Variants in FAM107B observed in about 807,000 individuals in gnomAD.
The protein encoded by FAM107B is protein FAM107B.
FAM107B carries 21 observed loss-of-function variants against 31.5 expected under a neutral mutation model. That is an observed-to-expected ratio of 0.67 (90% CI 0.47 to 0.96). The LOEUF (loss-of-function observed/expected upper bound fraction) is 0.96. FAM107B is among the 40% of genes least tolerant of loss of function. FAM107B has a pLI of 0.00. For missense variants in FAM107B, 452 were observed against 377.1 expected (o/e 1.20, Z -1.64); for synonymous variants, 157 against 141.5 (o/e 1.11, Z -0.78).
At chr10:14,642,183 T>A (rs1853644972) in intron 2 of FAM107B, among the ~76,000 whole-genome samples, 1 of 152,206 alleles carries the variant, frequency 6.6e-6, no homozygotes, top group East Asian at 1.9e-4. Flanking sequence ...ATCTTAAGGC[T>A]CAGGAATTAT....
At chr10:14,710,236 T>A (rs1855610171) in intron 1 of FAM107B, among the ~76,000 whole-genome samples, 2 of 151,892 alleles carry the variant, frequency 1.3e-5, no homozygotes, top group South Asian at 2.1e-4. Flanking sequence ...TAAAAAATAA[T>A]AAAGTCTATT....
intron 1 of FAM107B, among the ~76,000 whole-genome samples, chr10:14,694,867 G>C (rs1855228560): frequency 1.3e-5 from 2 of 151,988 alleles, no homozygotes; most frequent in African/African-American, 4.8e-5. Flanking sequence ...TTCTTTTATT[G>C]AGTTTTATGA....
intron 2 of FAM107B, among the ~76,000 whole-genome samples, chr10:14,573,679 G>C (rs1213048314): frequency 3.9e-5 from 6 of 152,046 alleles, no homozygotes; most frequent in East Asian, 3.9e-4. Flanking sequence ...CAGAGGCAGA[G>C]GTTGCAGTAA....
intron 1 of FAM107B, among the ~76,000 whole-genome samples, chr10:14,772,727 C>T (rs2688871): frequency 0.068 from 10,291 of 152,126 alleles, 1,156 homozygotes; most frequent in African/African-American, 0.23. Context: ...ACGCTGTGGA[C>T]CACCCATGGC....
chr10:14,591,427 C>T (rs1234650859), intron 2 of FAM107B, among the ~76,000 whole-genome samples: 1 of 152,194 alleles, frequency 6.6e-6, no homozygotes, highest in Non-Finnish European at 1.5e-5. Flanking sequence ...ACTGCAAGAG[C>T]CAAGCCAATC....
At chr10:14,622,418 T>C (rs1184642663) in intron 2 of FAM107B, among the ~76,000 whole-genome samples, 1 of 151,736 alleles carries the variant, frequency 6.6e-6, no homozygotes, top group Non-Finnish European at 1.5e-5. Context: ...GAGATTCTCC[T>C]GCCTCAACCT....
intron 1 of FAM107B, among the ~76,000 whole-genome samples, chr10:14,726,108 T>G (rs2688859): frequency 6.6e-6 from 1 of 151,830 alleles, no homozygotes. Context: ...ATTCTCCTGC[T>G]TCAGCCTCCC....
At chr10:14,649,381 C>A (rs1253938114) in intron 2 of FAM107B, among the ~76,000 whole-genome samples, 1 of 152,156 alleles carries the variant, frequency 6.6e-6, no homozygotes, top group Middle Eastern at 3.2e-3. Flanking sequence ...CTTTCCAGGT[C>A]TTTTTTCTGA....
In FAM107B at chr10:14,532,906, G is replaced by A. The variant is rs145662497; in HGVS notation, c.470-2391C>T. Among the ~76,000 whole-genome samples, 711 of 152,296 alleles carry A rather than the reference G, an allele frequency of 4.7e-3. 5 individuals carry two copies. Among genetic ancestry groups the A allele is most frequent in the African/African-American group, 0.015 (643 of 41,560 alleles). On this transcript the variant is annotated intron_variant, in intron 2 of 4. Transcript: ENST00000181796. ...GCTGGAGGGAATGTGACAGAAGAGCGGGCCGTGATCAGCAGCGAGAAGAGC... is the reference window on the plus strand; with the variant it reads ...GCTGGAGGGAATGTGACAGAAGAGCAGGCCGTGATCAGCAGCGAGAAGAGC...
intron 1 of FAM107B, among the ~76,000 whole-genome samples, chr10:14,703,314 T>C (rs1855445167): frequency 1.3e-5 from 2 of 151,902 alleles, no homozygotes; most frequent in African/African-American, 4.8e-5. Context: ...TTTGTTTCCT[T>C]TTCCTTCTTC....
intron 2 of FAM107B, among the ~76,000 whole-genome samples, chr10:14,620,696 C>A (rs60954173): frequency 0.28 from 42,195 of 151,860 alleles, 6,458 homozygotes; most frequent in East Asian, 0.65. Flanking sequence ...GCCATCCCCC[C>A]ACAGGCCCTG....
At chr10:14,680,113 T>C (rs1854794306) in intron 1 of FAM107B, among the ~76,000 whole-genome samples, 1 of 152,192 alleles carries the variant, frequency 6.6e-6, no homozygotes. Flanking sequence ...GATTTCGGTA[T>C]CAGGAGTGGC....
intron 1 of FAM107B, among the ~76,000 whole-genome samples, chr10:14,675,880 C>G (rs531455649): frequency 6.6e-6 from 1 of 152,102 alleles, no homozygotes; most frequent in Non-Finnish European, 1.5e-5. Flanking sequence ...TCCAGCAGCC[C>G]GGTGCAGTGA....
chr10:14,717,262 C>T (rs1370412167), intron 1 of FAM107B, among the ~76,000 whole-genome samples: 3 of 152,110 alleles, frequency 2.0e-5, no homozygotes, highest in African/African-American at 7.2e-5. Context: ...AGCCAAAGCC[C>T]CTCTGTATCA....
intron 2 of FAM107B, among the ~76,000 whole-genome samples, chr10:14,628,112 G>GTTTTTTTTTGTTTTT (rs58879328): frequency 1.3e-3 from 118 of 92,682 alleles, no homozygotes; most frequent in South Asian, 5.0e-3. Flanking sequence ...TGTTTTGCTG[G>GTTTTTTTTTGTTTTT]TTTTTTTTTT....
At chr10:14,603,030 C>CACAA (rs35168008) in intron 2 of FAM107B, among the ~76,000 whole-genome samples, 2 of 150,484 alleles carry the variant, frequency 1.3e-5, no homozygotes, top group Non-Finnish European at 1.5e-5. Context: ...CACACACACA[C>CACAA]AAACACACTA....
intron 1 of FAM107B, among the ~76,000 whole-genome samples, chr10:14,752,426 G>A (rs554211720): frequency 1.5e-3 from 232 of 152,300 alleles, no homozygotes; most frequent in African/African-American, 5.2e-3. Context: ...ACATTCAGAC[G>A]AGTGTTTTGC....
chr10:14,762,066 G>A (rs573160655), intron 1 of FAM107B, among the ~76,000 whole-genome samples: 3 of 152,160 alleles, frequency 2.0e-5, no homozygotes, highest in African/African-American at 4.8e-5. Flanking sequence ...CCCTAAGGAC[G>A]GGCAGTTGCA....
intron 1 of FAM107B, among the ~76,000 whole-genome samples, chr10:14,688,283 G>T (rs1193922323): frequency 3.3e-5 from 5 of 152,184 alleles, no homozygotes; most frequent in Non-Finnish European, 7.4e-5. Flanking sequence ...CTACTTTTGA[G>T]GTTTTGGGAC....
Sources: gnomAD v4.1 joint callset for allele counts (sites outside exome capture counted in the v4.1 genomes callset) on GRCh38, gnomAD v4.1.1 for gene constraint, MANE v1.5 for transcripts, NCBI Gene and HGNC (gene_info 2026-07-23, HGNC 2026-07-21) for gene names.